The following GPR171 variants were observed in gnomAD, a reference collection of about 807,000 sequenced individuals.
The protein encoded by GPR171 is G protein-coupled receptor 171, also known as F730001G15Rik.
GPR171 carries 14 observed loss-of-function variants against 16.7 expected under a neutral mutation model. That is an observed-to-expected ratio of 0.84 (90% CI 0.55 to 1.31). The LOEUF is 1.31. Ranked by LOEUF, GPR171 falls within the 40% of genes most tolerant of loss-of-function variation. The pLI is 0.00. For synonymous variants in GPR171, 134 were observed against 135.6 expected, an observed-to-expected ratio of 0.99 and a Z score of 0.08; for missense variants, 337 against 378.9, an observed-to-expected ratio of 0.89 and a Z score of 0.92.
chr3:151,198,458 T>C lies in GPR171; in HGVS notation c.929A>G (p.Lys310Arg), dbSNP rs1725009375. 1 of 1,610,418 alleles carries C rather than the reference T, an allele frequency of 6.2e-7. No homozygotes were observed. The highest frequency in any genetic ancestry group is 1.3e-5 in the African/African-American group (1 of 74,742). Residue 310 changes from lysine (K) to arginine (R), a missense_variant, in exon 3 of 3, where the codon AAA becomes AGA. Physicochemically the swap from Lys to Arg is conservative, Grantham distance 26. Coordinates refer to ENST00000309180, the MANE Select transcript of GPR171 (RefSeq NM_013308.4). ...FASPKETKAQ[K>R]EKLRCENNA Reference sequence around the variant, plus strand: ...ATTATTTTCACATCTTAATTTTTCTTTCTGAGCCTTGGTCTCTTTAGGTGA... The same window carrying C: ...ATTATTTTCACATCTTAATTTTTCTCTCTGAGCCTTGGTCTCTTTAGGTGA...
intron 1 of GPR171, among the ~76,000 whole-genome samples, chr3:151,201,251 G>A (rs975307482): frequency 2.7e-5 from 4 of 150,316 alleles, no homozygotes; most frequent in African/African-American, 7.4e-5. Context: ...TCTCTCACAC[G>A]CACATTTAAA....
At chr3:151,199,501 G>T in intron 2 of GPR171, 62 bp from the exon 3 acceptor site, 2 of 882,672 alleles carry the variant, frequency 2.3e-6, no homozygotes, top group Non-Finnish European at 3.4e-6. Context: ...TTCTTTAAAA[G>T]ACATTGGTCT....
In GPR171 at chr3:151,203,119, G is replaced by A. The variant is rs1725875331; in HGVS notation, c.-158C>T. On this transcript the variant is annotated 5_prime_UTR_variant, in exon 1 of 3. Coordinates refer to ENST00000309180, the MANE Select transcript of GPR171 (RefSeq NM_013308.4). ...AAAGACATACCTGGGGCTATCTTCTGTGAGCCTCAGCAAGCCTTGCTGCAA... is the reference window on the plus strand; with the variant it reads ...AAAGACATACCTGGGGCTATCTTCTATGAGCCTCAGCAAGCCTTGCTGCAA... 6.6e-6 allele frequency: 1 copy of A among 152,140 alleles called. No individual in the cohort carries two copies. 9.4% of individuals were successfully genotyped at this position (152,140 alleles called of 1,614,324 possible).
rs1324104614 is a variant in GPR171 at position 151,200,910 on chromosome 3, C to T, written c.-55G>A. ...TTGAGGCATAATGGGGTTACTTACC[C>T]AAGGTTGTGTAGCTGGTAAGATATA... is the stretch of plus-strand genomic sequence containing the variant. On this transcript the variant is annotated splice_region_variant and 5_prime_UTR_variant, in exon 2 of 3. Coordinates refer to ENST00000309180, the MANE Select transcript of GPR171 (RefSeq NM_013308.4). 6.6e-6 allele frequency: 1 copy of T among 152,170 alleles called. No individual in the cohort carries two copies. Among genetic ancestry groups the T allele is most frequent in the African/African-American group, 2.4e-5 (1 of 41,446 alleles). 9.4% of individuals were successfully genotyped at this position (152,170 alleles called of 1,614,324 possible).
intron 2 of GPR171, among the ~76,000 whole-genome samples, chr3:151,199,979 C>A (rs934079176): frequency 2.7e-5 from 4 of 150,832 alleles, no homozygotes; most frequent in African/African-American, 7.3e-5. Context: ...AGAAAAAAAC[C>A]AAAAAAACAA....
Position 151,198,216 on chromosome 3 carries a change from T to C in GPR171, c.*211A>G. The C allele has an allele frequency of 2.3e-6, 1 of 427,036 alleles. No individual in the cohort carries two copies. 26.5% of individuals were successfully genotyped at this position (427,036 alleles called of 1,614,324 possible). A position where few individuals can be genotyped will look rare whatever the true frequency, so the allele number is the denominator to read the frequency against. ...GAGACTCTTTAGTTTTTTGTACAAATATTTGGGTTAATGAGTAGCAGCAAG... is the reference window on the plus strand; with the variant it reads ...GAGACTCTTTAGTTTTTTGTACAAACATTTGGGTTAATGAGTAGCAGCAAG... On this transcript the variant is annotated 3_prime_UTR_variant, in exon 3 of 3. Coordinates refer to ENST00000309180, the MANE Select transcript of GPR171 (RefSeq NM_013308.4).
intron 1 of GPR171, among the ~76,000 whole-genome samples, 154 bp downstream of exon 1, chr3:151,202,949 CA>C (rs1399297495): frequency 6.6e-6 from 1 of 152,060 alleles, no homozygotes; most frequent in African/African-American, 2.4e-5. Context: ...ATTATAGTGT[CA>C]TTCACAGCTA....
chr3:151,202,489 G>A (rs1474090451), intron 1 of GPR171, among the ~76,000 whole-genome samples: 4 of 152,160 alleles, frequency 2.6e-5, no homozygotes, highest in Admixed American at 6.5e-5. Flanking sequence ...TGGCCAACAT[G>A]GTGAAATCCT....
chr3:151,199,347 G>C lies in GPR171; in HGVS notation c.40C>G (p.Leu14Val), dbSNP rs910530378. ...SSFFCPVYKD[L>V]EPFTYFFYLV... ...TAAAAAAAATACGTGAATGGCTCCAGATCTTTATAAACTGGGCAGAAGAAC... is the reference window on the plus strand; with the variant it reads ...TAAAAAAAATACGTGAATGGCTCCACATCTTTATAAACTGGGCAGAAGAAC... Residue 14 changes from leucine to valine, a missense_variant, in exon 3 of 3, where the codon CTG (leucine) becomes GTG (valine). Transcript: ENST00000309180. 10 of 1,613,020 alleles carry C rather than the reference G, an allele frequency of 6.2e-6. No homozygotes were observed. The highest frequency in any genetic ancestry group is 8.5e-6 in the Non-Finnish European group (10 of 1,179,560).
chr3:151,202,155 T>C (rs1451145290), intron 1 of GPR171, among the ~76,000 whole-genome samples: 1 of 152,240 alleles, frequency 6.6e-6, no homozygotes, highest in African/African-American at 2.4e-5. Flanking sequence ...GAGAAACAAA[T>C]CTGTTTATTT....
At chr3:151,201,464 G>C (rs1345578835) in intron 1 of GPR171, among the ~76,000 whole-genome samples, 1 of 152,150 alleles carries the variant, frequency 6.6e-6, no homozygotes, top group Admixed American at 6.6e-5. Context: ...TTTAAGGATG[G>C]ATGGAAACTT....
rs1322183358 is a variant in GPR171 at position 151,198,341 on chromosome 3, T to G, written c.*86A>C. 3.2e-5 allele frequency: 30 copies of G among 924,922 alleles called. No individual in the cohort carries two copies. Among genetic ancestry groups the G allele is most frequent in the Non-Finnish European group, 3.9e-5 (26 of 669,506 alleles). 57.3% of individuals were successfully genotyped at this position (924,922 alleles called of 1,614,324 possible). A position where few individuals can be genotyped will look rare whatever the true frequency, so the allele number is the denominator to read the frequency against. On this transcript the variant is annotated 3_prime_UTR_variant, in exon 3 of 3. Transcript: ENST00000309180. The stretch of plus-strand genomic sequence containing the variant: ...TATTTTTTCATACTGAGTTTTTTTT[T>G]GTTTTTTTTTTTTTTATCTTTCAAA...
chr3:151,200,862 T>A (rs1725462203), intron 2 of GPR171, 47 bp downstream of exon 2: 1 of 152,226 alleles, frequency 6.6e-6, no homozygotes, highest in African/African-American at 2.4e-5. Context: ...GTTGTTATTG[T>A]CCCTGCTTTA....
chr3:151,202,532 C>T (rs569799185), intron 1 of GPR171, among the ~76,000 whole-genome samples: 10 of 152,154 alleles, frequency 6.6e-5, no homozygotes, highest in South Asian at 4.1e-4. Flanking sequence ...TTAGCCAACG[C>T]GGTGGCGGGC....
rs976392425 is a variant in GPR171 at position 151,198,189 on chromosome 3, A to G, written c.*238T>C. The G allele has an allele frequency of 2.8e-6, 1 of 363,356 alleles. No individual in the cohort carries two copies. The highest frequency in any genetic ancestry group is 4.9e-6 in the Non-Finnish European group (1 of 202,420). The allele number at this position is 363,356 out of a possible 1,614,324, so 22.5% of individuals were successfully genotyped here. On this transcript the variant is annotated 3_prime_UTR_variant, in exon 3 of 3. Coordinates refer to ENST00000309180, the MANE Select transcript of GPR171 (RefSeq NM_013308.4). ...TATTGCAGGATTTTACATTCGTTCAATGAGACTCTTTAGTTTTTTGTACAA... is the reference window on the plus strand; with the variant it reads ...TATTGCAGGATTTTACATTCGTTCAGTGAGACTCTTTAGTTTTTTGTACAA...
Position 151,198,884 on chromosome 3 carries a change from A to T in GPR171, c.503T>A (p.Phe168Tyr), listed in dbSNP as rs1342722774. The T allele has an allele frequency of 6.2e-7, 1 of 1,614,136 alleles. No homozygotes were observed. Among genetic ancestry groups the T allele is most frequent in the South Asian group, 1.1e-5 (1 of 91,084 alleles). Reference protein sequence around the residue: ...KEKSNVGCMEFKKEFGRNWHL... With the variant: ...KEKSNVGCMEYKKEFGRNWHL... ...CCAATTTCTTCCAAATTCCTTTTTA[A>T]ACTCCATACAACCCACATTTGACTT... Residue 168 changes from phenylalanine (F) to tyrosine (Y), a missense_variant, in exon 3 of 3, where the codon TTT becomes TAT. Coordinates refer to ENST00000309180, the MANE Select transcript of GPR171 (RefSeq NM_013308.4).
Position 151,198,590 on chromosome 3 carries a change from G to T in GPR171, c.797C>A (p.Ala266Asp), listed in dbSNP as rs1328521820. The change falls in exon 3 of 3, where the codon GCC (alanine) becomes GAC (aspartate). Residue 266 changes from alanine to aspartate, a missense_variant. By Grantham distance (126) the Ala-to-Asp change is moderately radical. Coordinates refer to ENST00000309180, the MANE Select transcript of GPR171 (RefSeq NM_013308.4). ...DCSTRISLFK[A>D]KEATLLLAVS... is the part of the protein sequence containing the mutation. ...AGCCAGGAGCAGTGTAGCCTCTTTG[G>T]CTTTGAAGAGTGAAATCCTGGTTGA... 1 of 1,613,986 alleles carries T rather than the reference G, an allele frequency of 6.2e-7. No individual in the cohort carries two copies.
Position 151,197,859 on chromosome 3 carries a change from A to C in GPR171, c.*568T>G, listed in dbSNP as rs1170865444. On this transcript the variant is annotated 3_prime_UTR_variant, in exon 3 of 3. Transcript: ENST00000309180. ...TATTTTTCAAGCCTTTTTATAAATA[A>C]AAGCTTTTGGTTATTGTGTTAGAAA... 6.6e-6 allele frequency: 1 copy of C among 152,652 alleles called. No homozygotes were observed. The highest frequency in any genetic ancestry group is 1.9e-4 in the East Asian group (1 of 5,202). The allele number at this position is 152,652 out of a possible 1,614,324, so 9.5% of individuals were successfully genotyped here.
chr3:151,201,113 A>G (rs534120216), intron 1 of GPR171, 116 bp from the exon 2 acceptor site: 2 of 152,358 alleles, frequency 1.3e-5, no homozygotes, highest in East Asian at 3.9e-4. Context: ...AACAATTTTT[A>G]TGTAATAAAG....
Sources: allele counts gnomAD v4.1 joint callset (sites outside exome capture counted in the v4.1 genomes callset), GRCh38; gene constraint gnomAD v4.1.1; transcripts MANE v1.5; gene names NCBI Gene and HGNC (gene_info 2026-07-23, HGNC 2026-07-21).